The following PIK3R5 variants were observed in gnomAD, a reference collection of about 807,000 sequenced individuals.
PIK3R5 encodes the protein phosphoinositide-3-kinase regulatory subunit 5, also known as phosphoinositide 3-kinase regulatory subunit 5.
A neutral mutation model predicts 94.9 loss-of-function variants in PIK3R5; 32 were observed. That is an observed-to-expected ratio of 0.34 (90% CI 0.25 to 0.45). PIK3R5 has a LOEUF of 0.45. Ranked by LOEUF, PIK3R5 falls within the 20% of genes least tolerant of loss-of-function variation. The pLI is 1.00. For missense variants in PIK3R5, 853 were observed against 1,144.6 expected (o/e 0.75, Z 3.68); for synonymous variants, 443 against 479.4 (o/e 0.92, Z 0.99).
chr17:8,880,085 TGC>T lies in PIK3R5; in HGVS notation c.*552_*553del, dbSNP rs2089616023. 1 of 152,318 alleles carries T rather than the reference TGC, an allele frequency of 6.6e-6. No homozygotes were observed. The highest frequency in any genetic ancestry group is 1.5e-5 in the Non-Finnish European group (1 of 68,094). The allele number at this position is 152,318 out of a possible 1,614,324, so 9.4% of individuals were successfully genotyped here. A position where few individuals can be genotyped will look rare whatever the true frequency, so the allele number is the denominator to read the frequency against. On this transcript the variant is annotated 3_prime_UTR_variant, in exon 19 of 19. Coordinates refer to ENST00000447110, the MANE Select transcript of PIK3R5 (RefSeq NM_001142633.3). ...ACTTGAGAGAAATTATTGAGGTGTGTGCGTGTGTGTGTGCGCATGTGCGTACA... is the reference window on the plus strand; with the variant it reads ...ACTTGAGAGAAATTATTGAGGTGTGTGTGTGTGTGTGCGCATGTGCGTACA...
Position 8,909,172 on chromosome 17 carries a change from C to T in PIK3R5, c.106G>A (p.Gly36Arg), listed in dbSNP as rs751501039. 1 of 1,590,204 alleles carries T rather than the reference C, an allele frequency of 6.3e-7. No individual in the cohort carries two copies. The highest frequency in any genetic ancestry group is 1.1e-5 in the South Asian group (1 of 88,114). ...LSRRSTSWSA[G>R]LCLNCWSLQE... Reference sequence around the variant, plus strand: ...AGGCTCCAGCAGTTCAGACACAGCCCAGCTGGAAAAGGAGAGAGAGGCAAG... The same window carrying T: ...AGGCTCCAGCAGTTCAGACACAGCCTAGCTGGAAAAGGAGAGAGAGGCAAG... Residue 36 changes from glycine (G) to arginine (R), a missense_variant and splice_region_variant, in exon 3 of 19, where the codon GGG becomes AGG. Gly to Arg is a moderately radical substitution (Grantham distance 125, BLOSUM62 -2). Around this residue, in one of 6 missense-constraint regions of PIK3R5, gnomAD observed 108 missense variants for 170.1 expected, o/e 0.63. Transcript: ENST00000447110. The surrounding 1 kb of genome is among the most constrained non-coding windows in gnomAD (Gnocchi z 4.3).
At position 8,938,350 on chromosome 17, in the gene PIK3R5, G is replaced by A. The variant is rs552683283; in HGVS notation, c.-13-26843C>T. ...TTTATTATCTTTTCAATGTCCATAG[G>A]TTTGGCAGTGATTTTTACTTTTTTT... is the stretch of plus-strand genomic sequence containing the variant. On this transcript the variant is annotated intron_variant, in intron 1 of 18. Coordinates refer to ENST00000447110, the MANE Select transcript of PIK3R5 (RefSeq NM_001142633.3). Among the ~76,000 whole-genome samples, 27 of 152,264 alleles carry A rather than the reference G, an allele frequency of 1.8e-4. 1 individual carries two copies. The East Asian group carries it at 4.4e-3, about 25-fold the overall frequency.
rs752360458 is a variant in PIK3R5 at position 8,933,668 on chromosome 17, TA to T, written c.-13-22162del. Among the ~76,000 whole-genome samples the T allele has an allele frequency of 1.1e-4, 16 of 152,036 alleles. No individual in the cohort carries two copies. The East Asian group carries it at 1.3e-3, about 13-fold the overall frequency. ...ATGCAAAAATTCTTATCAAAACAAT[TA>T]AAAATGAAGTCTAGAAATATATAAA... On this transcript the variant is annotated intron_variant, in intron 1 of 18. Coordinates refer to ENST00000447110, the MANE Select transcript of PIK3R5 (RefSeq NM_001142633.3).
chr17:8,939,936 A>G (rs537968298), intron 1 of PIK3R5, among the ~76,000 whole-genome samples: 5 of 152,198 alleles, frequency 3.3e-5, no homozygotes, highest in Non-Finnish European at 7.3e-5. Flanking sequence ...GGAAAGCTCC[A>G]AATAGAGTGT....
chr17:8,947,714 G>C (rs1487127515), intron 1 of PIK3R5, among the ~76,000 whole-genome samples: 1 of 152,176 alleles, frequency 6.6e-6, no homozygotes, highest in Non-Finnish European at 1.5e-5. Context: ...TGATACGAAA[G>C]AGAGAGAATG....
chr17:8,902,219 A>G (rs2090299384), intron 5 of PIK3R5, among the ~76,000 whole-genome samples: 1 of 151,574 alleles, frequency 6.6e-6, no homozygotes, highest in African/African-American at 2.4e-5. Context: ...TGGACTAAAA[A>G]AAAAACCTCT....
intron 1 of PIK3R5, among the ~76,000 whole-genome samples, chr17:8,927,959 T>C (rs537276753): frequency 5.9e-5 from 9 of 152,290 alleles, no homozygotes; most frequent in African/African-American, 2.2e-4. Flanking sequence ...CTTTTAACCT[T>C]CCACCATGAC....
rs9915880 is a variant in PIK3R5 at position 8,888,686 on chromosome 17, C to T, written c.1101G>A (p.Ser367=). ...GCAGATGGCGCGAGAGGGCCGGCCC[C>T]GAGGCCTGGGAGGATGCAAGGGACA... ...STLSLASSQA[S]GPALSRHLLT... The change falls in exon 10 of 19, where the codon TCG becomes TCA. Residue 367 remains serine (S), a synonymous_variant. Transcript: ENST00000447110. This position sits in a 1 kb window ranked among gnomAD's most constrained non-coding sequence, Gnocchi z 7.8. The T allele has an allele frequency of 0.28, 458,618 of 1,613,550 alleles. 68,711 individuals carry two copies. Among genetic ancestry groups the T allele is most frequent in the Non-Finnish European group, 0.31 (364,175 of 1,179,804 alleles).
chr17:8,929,618 C>T (rs967067678), intron 1 of PIK3R5, among the ~76,000 whole-genome samples: 3 of 152,160 alleles, frequency 2.0e-5, no homozygotes, highest in African/African-American at 7.2e-5. Context: ...CAGTGGAATG[C>T]TATACAGCCA....
Position 8,889,054 on chromosome 17 carries a change from G to C in PIK3R5, c.895+85C>G. The C allele has an allele frequency of 6.6e-7, 1 of 1,512,842 alleles. No homozygotes were observed. The highest frequency in any genetic ancestry group is 9.0e-7 in the Non-Finnish European group (1 of 1,115,836). The allele number at this position is 1,512,842 out of a possible 1,614,324, so 93.7% of individuals were successfully genotyped here. ...GCTCATGTGGGAGAGCTTTGGGGAC[G>C]GGGTGGGAGCTGCATGGACCCAGGA... On this transcript the variant is annotated intron_variant, in intron 9 of 18. Transcript: ENST00000447110. The surrounding 1 kb of genome is among the most constrained non-coding windows in gnomAD (Gnocchi z 4.1).
rs868408273 is a variant in PIK3R5 at position 8,881,080 on chromosome 17, G to T, written c.2383-63C>A. 8.0e-7 allele frequency: 1 copy of T among 1,249,160 alleles called. No homozygotes were observed. Among genetic ancestry groups the T allele is most frequent in the Middle Eastern group, 1.9e-4 (1 of 5,192 alleles). 77.4% of individuals were successfully genotyped at this position (1,249,160 alleles called of 1,614,324 possible). On this transcript the variant is annotated intron_variant, in intron 17 of 18. Coordinates refer to ENST00000447110, the MANE Select transcript of PIK3R5 (RefSeq NM_001142633.3). This position sits in a 1 kb window ranked among gnomAD's most constrained non-coding sequence, Gnocchi z 4.8. ...CATCCAACACTGCCAGCCCCTGGCA[G>T]TTCCTTTTCTCAGAACTGCCCATCC...
rs1220964994 is a variant in PIK3R5, at chr17:8,935,005, T to C, written c.-13-23498A>G. ...CATGTGCTGCCTCTGCCTGAAACAT[T>C]TCCACCATGTTCCCCTGTTTCTGAT... On this transcript the variant is annotated intron_variant, in intron 1 of 18. Coordinates refer to ENST00000447110, the MANE Select transcript of PIK3R5 (RefSeq NM_001142633.3). This position sits in a 1 kb window ranked among gnomAD's most constrained non-coding sequence, Gnocchi z 4.5. Among the ~76,000 whole-genome samples the C allele has an allele frequency of 6.6e-6, 1 of 152,184 alleles. No homozygotes were observed. The highest frequency in any genetic ancestry group is 1.5e-5 in the Non-Finnish European group (1 of 68,026).
chr17:8,936,150 A>G (rs2091072495), intron 1 of PIK3R5, among the ~76,000 whole-genome samples: 1 of 152,142 alleles, frequency 6.6e-6, no homozygotes, highest in Admixed American at 6.5e-5. Context: ...ATTAAAGTAC[A>G]GAGAGTTCCT....
At chr17:8,930,157 G>A (rs537553756) in intron 1 of PIK3R5, among the ~76,000 whole-genome samples, 21 of 151,786 alleles carry the variant, frequency 1.4e-4, no homozygotes, top group East Asian at 5.8e-4. Flanking sequence ...AAGTACTTAC[G>A]GAACATAAAC....
At position 8,909,887 on chromosome 17, in the gene PIK3R5, G is replaced by C. The variant is rs1052091861; in HGVS notation, c.104-713C>G. 1.3e-5 allele frequency among the ~76,000 whole-genome samples: 2 copies of C among 152,214 alleles called. No individual in the cohort carries two copies. Among genetic ancestry groups the C allele is most frequent in the African/African-American group, 4.8e-5 (2 of 41,452 alleles). ...AGGCAGAAATTGCTGGAAGAATACA[G>C]AGAGGAGCCACGGTGAGTTCCATCC... On this transcript the variant is annotated intron_variant, in intron 2 of 18. Transcript: ENST00000447110. This position sits in a 1 kb window ranked among gnomAD's most constrained non-coding sequence, Gnocchi z 4.3.
rs1354298535 is a variant in PIK3R5, at chr17:8,882,979, C to CA, written c.2206-1099dup. Among the ~76,000 whole-genome samples, 1 of 152,200 alleles carries CA rather than the reference C, an allele frequency of 6.6e-6. No individual in the cohort carries two copies. The highest frequency in any genetic ancestry group is 1.5e-5 in the Non-Finnish European group (1 of 68,048). ...CCACAGAGCTGCCAGAGGGAGCTTC[C>CA]AAGCCTCAGATATAATCATGTCACA... is the stretch of plus-strand genomic sequence containing the variant. On this transcript the variant is annotated intron_variant, in intron 15 of 18. Coordinates refer to ENST00000447110, the MANE Select transcript of PIK3R5 (RefSeq NM_001142633.3). The surrounding 1 kb of genome is among the most constrained non-coding windows in gnomAD (Gnocchi z 4.1).
At position 8,884,858 on chromosome 17, in the gene PIK3R5, C is replaced by T. The variant is rs543634531; in HGVS notation, c.2129-75G>A. The T allele has an allele frequency of 7.7e-7, 1 of 1,302,828 alleles. No homozygotes were observed. The highest frequency in any genetic ancestry group is 2.3e-5 in the East Asian group (1 of 43,334). 80.7% of individuals were successfully genotyped at this position (1,302,828 alleles called of 1,614,324 possible). ...CTCACGAACGCAGTGGCCTTGCCTC[C>T]CTGGGCCTTACCTCCCCATCCCCTA... On this transcript the variant is annotated intron_variant, in intron 14 of 18. Coordinates refer to ENST00000447110, the MANE Select transcript of PIK3R5 (RefSeq NM_001142633.3). This position sits in a 1 kb window ranked among gnomAD's most constrained non-coding sequence, Gnocchi z 5.8.
chr17:8,896,076 C>T lies in PIK3R5; in HGVS notation c.413-2421G>A, dbSNP rs1221479502. ...AAAAGACTGTGCAATGTGGAGGAGG[C>T]TTTGATAATATAAGCTTTTGTACAG... On this transcript the variant is annotated intron_variant, in intron 5 of 18. Transcript: ENST00000447110. The surrounding 1 kb of genome is among the most constrained non-coding windows in gnomAD (Gnocchi z 4.0). Among the ~76,000 whole-genome samples, 4 of 152,100 alleles carry T rather than the reference C, an allele frequency of 2.6e-5. No homozygotes were observed. The East Asian group carries it at 7.7e-4, about 29-fold the overall frequency.
rs577311523 is a variant in PIK3R5, at chr17:8,884,977, C to G, written c.2129-194G>C. 1.7e-5 allele frequency: 10 copies of G among 594,608 alleles called. No individual in the cohort carries two copies. In the African/African-American group the frequency reaches 1.9e-4, roughly 11 times the overall value. The allele number at this position is 594,608 out of a possible 1,614,324, so 36.8% of individuals were successfully genotyped here. ...CTGGGGATCTCCACCTCCTCAGTGACCCCATCACTCCAGGGCCCATCTCCG... is the reference window on the plus strand; with the variant it reads ...CTGGGGATCTCCACCTCCTCAGTGAGCCCATCACTCCAGGGCCCATCTCCG... On this transcript the variant is annotated intron_variant, in intron 14 of 18. Coordinates refer to ENST00000447110, the MANE Select transcript of PIK3R5 (RefSeq NM_001142633.3). This position sits in a 1 kb window ranked among gnomAD's most constrained non-coding sequence, Gnocchi z 5.8.
Sources: allele counts gnomAD v4.1 joint callset (sites outside exome capture counted in the v4.1 genomes callset), GRCh38; gene constraint gnomAD v4.1.1; regional missense constraint gnomAD v4.1.1; non-coding constraint Gnocchi (gnomAD v3.1); transcripts MANE v1.5; gene names NCBI Gene and HGNC (gene_info 2026-07-23, HGNC 2026-07-21).